FIGNL2: variants seen among roughly 807,000 people sequenced by gnomAD.
FIGNL2 encodes the protein fidgetin-like protein 2.
For synonymous variants in FIGNL2, 565 were observed against 484.0 expected (o/e 1.17, Z -2.20); for missense variants, 1,060 against 950.2 (o/e 1.12, Z -1.52).
intron 1 of FIGNL2, chr12:51,845,467 C>G: frequency 1.0e-6 from 1 of 985,342 alleles, no homozygotes; most frequent in Non-Finnish European, 1.2e-6. Flanking sequence ...ACCGCCCCCC[C>G]CCCACAGTCT....
At chr12:51,843,892 A>C (rs1278969588) in intron 1 of FIGNL2, among the ~76,000 whole-genome samples, 1 of 151,864 alleles carries the variant, frequency 6.6e-6, no homozygotes, top group Non-Finnish European at 1.5e-5. Flanking sequence ...TGGGCAACAT[A>C]GTGAGACCAC....
intron 1 of FIGNL2, among the ~76,000 whole-genome samples, chr12:51,836,080 G>A (rs574434296): frequency 6.6e-6 from 1 of 152,218 alleles, no homozygotes. Flanking sequence ...CAAAGCGCTG[G>A]GATTACAGGA....
chr12:51,829,268 TG>T (rs1409643132), intron 1 of FIGNL2, among the ~76,000 whole-genome samples: 1 of 152,266 alleles, frequency 6.6e-6, no homozygotes, highest in African/African-American at 2.4e-5. Flanking sequence ...CCAGGCTTTT[TG>T]TCTGCTGCTT....
intron 1 of FIGNL2, among the ~76,000 whole-genome samples, chr12:51,836,308 C>T (rs1472301707): frequency 1.3e-5 from 2 of 152,156 alleles, no homozygotes; most frequent in East Asian, 1.9e-4. Context: ...GTCATCTGGC[C>T]TTTGGGCTGC....
At chr12:51,838,581 C>A (rs1346183382) in intron 1 of FIGNL2, among the ~76,000 whole-genome samples, 2 of 152,130 alleles carry the variant, frequency 1.3e-5, no homozygotes, top group Admixed American at 1.3e-4. Context: ...AGATGTGGGA[C>A]AATGTCTTGA....
intron 1 of FIGNL2, among the ~76,000 whole-genome samples, chr12:51,828,072 C>T (rs1189208375): frequency 6.6e-6 from 1 of 152,178 alleles, no homozygotes; most frequent in African/African-American, 2.4e-5. Context: ...TGCACACCTA[C>T]ACTCACCAAC....
intron 1 of FIGNL2, among the ~76,000 whole-genome samples, chr12:51,836,560 G>C (rs1367461379): frequency 6.6e-6 from 1 of 152,170 alleles, no homozygotes; most frequent in Non-Finnish European, 1.5e-5. Context: ...TCTGTTGGTG[G>C]GGGGCGGATA....
At chr12:51,828,766 A>T (rs1939395484) in intron 1 of FIGNL2, among the ~76,000 whole-genome samples, 3 of 151,992 alleles carry the variant, frequency 2.0e-5, no homozygotes, top group Non-Finnish European at 4.4e-5. Context: ...CTGAGCTGTC[A>T]CTCTGTGATC....
chr12:51,822,227 A>G lies in FIGNL2; in HGVS notation c.187T>C (p.Tyr63His). The G allele has an allele frequency of 2.5e-6, 4 of 1,611,376 alleles. No individual in the cohort carries two copies. The highest frequency in any genetic ancestry group is 3.4e-6 in the Non-Finnish European group (4 of 1,178,802). The change falls in exon 2 of 2, where the codon TAT becomes CAT. Residue 63 changes from tyrosine to histidine, a missense_variant. Transcript: ENST00000618634. Reference sequence around the variant, plus strand: ...AAGACCCCAGAGTACTTCTCTGCATAGCGCTTTAGGAGGTTGGAGGCAGTG... The same window carrying G: ...AAGACCCCAGAGTACTTCTCTGCATGGCGCTTTAGGAGGTTGGAGGCAGTG... Reference protein sequence around the residue: ...ALTASNLLKRYAEKYSGVLDS... With the variant: ...ALTASNLLKRHAEKYSGVLDS...
intron 1 of FIGNL2, among the ~76,000 whole-genome samples, chr12:51,826,473 C>CAA (rs34534453): frequency 3.5e-4 from 46 of 131,912 alleles, no homozygotes; most frequent in South Asian, 1.4e-3. Flanking sequence ...ACTAAAAATA[C>CAA]AAAAAAAAAA....
rs147260033 is a variant in FIGNL2, at chr12:51,833,149, G to C, written c.-11-10725C>G. 4.1e-3 allele frequency among the ~76,000 whole-genome samples: 622 copies of C among 152,234 alleles called. 1 individual carries two copies. Among genetic ancestry groups the C allele is most frequent in the Non-Finnish European group, 7.1e-3 (481 of 68,006 alleles). On this transcript the variant is annotated intron_variant, in intron 1 of 1. Coordinates refer to ENST00000618634, the MANE Select transcript of FIGNL2 (RefSeq NM_001384995.1). ...TGCAGCCTGGACCTCCCAGGCTCAAGCAGTCCTCCTACCTCAGCCTCCCAA... is the reference window on the plus strand; with the variant it reads ...TGCAGCCTGGACCTCCCAGGCTCAACCAGTCCTCCTACCTCAGCCTCCCAA...
chr12:51,848,688 T>TGCTGCGGCC lies in FIGNL2; in HGVS notation c.-169_-161dup. 1 of 322,286 alleles carries TGCTGCGGCC rather than the reference T, an allele frequency of 3.1e-6. No homozygotes were observed. The highest frequency in any genetic ancestry group is 1.7e-4 in the East Asian group (1 of 5,828). The allele number at this position is 322,286 out of a possible 1,614,324, so 20.0% of individuals were successfully genotyped here. On this transcript the variant is annotated 5_prime_UTR_variant, in exon 1 of 2. Transcript: ENST00000618634. Reference sequence around the variant, plus strand: ...ATCCTGGAGCCGCTGCTGCTGCGGCTGCTGCGGCCGCCGCGGGCGGGAGCG... The same window carrying TGCTGCGGCC: ...ATCCTGGAGCCGCTGCTGCTGCGGCTGCTGCGGCCGCTGCGGCCGCCGCGGGCGGGAGCG...
rs200288170 is a variant in FIGNL2, at chr12:51,822,337, G to C, written c.77C>G (p.Pro26Arg). The C allele has an allele frequency of 6.2e-7, 1 of 1,613,514 alleles. No individual in the cohort carries two copies. Among genetic ancestry groups the C allele is most frequent in the South Asian group, 1.1e-5 (1 of 90,940 alleles). Reference protein sequence around the residue: ...EQHLDVSSTTPSPAHKLELPP... With the variant: ...EQHLDVSSTTRSPAHKLELPP... ...CAACTCCAACTTGTGGGCCGGCGAC[G>C]GGGTGGTGGAGGAGACGTCCAGGTG... Residue 26 changes from proline (P) to arginine (R), a missense_variant, in exon 2 of 2, where the codon CCG (proline) becomes CGG (arginine). By Grantham distance (103) the Pro-to-Arg change is moderately radical. Transcript: ENST00000618634.
intron 1 of FIGNL2, among the ~76,000 whole-genome samples, chr12:51,827,376 C>T (rs562582071): frequency 1.3e-5 from 2 of 152,196 alleles, no homozygotes; most frequent in South Asian, 4.2e-4. Flanking sequence ...ACCTCAATTT[C>T]CCCATTTCTA....
chr12:51,822,320 A>G lies in FIGNL2; in HGVS notation c.94T>C (p.Leu32=). The G allele has an allele frequency of 1.2e-6, 2 of 1,613,012 alleles. No homozygotes were observed. The highest frequency in any genetic ancestry group is 1.1e-5 in the South Asian group (1 of 90,816). ...TGGCGACCCCCAGGGGGCAACTCCA[A>G]CTTGTGGGCCGGCGACGGGGTGGTG... The part of the protein sequence containing the change: ...SSTTPSPAHK[L]ELPPGGRQRC... The change falls in exon 2 of 2, where the codon TTG becomes CTG. Residue 32 remains leucine, a synonymous_variant. Coordinates refer to ENST00000618634, the MANE Select transcript of FIGNL2 (RefSeq NM_001384995.1).
chr12:51,832,309 G>T (rs1939487877), intron 1 of FIGNL2, among the ~76,000 whole-genome samples: 1 of 152,068 alleles, frequency 6.6e-6, no homozygotes, highest in Non-Finnish European at 1.5e-5. Flanking sequence ...GTGCCACTGT[G>T]CCCGGCCCCA....
chr12:51,827,554 G>A (rs923069552), intron 1 of FIGNL2, among the ~76,000 whole-genome samples: 18 of 152,148 alleles, frequency 1.2e-4, no homozygotes, highest in African/African-American at 4.3e-4. Flanking sequence ...AGGGCATAAC[G>A]TATGTCATGT....
intron 1 of FIGNL2, among the ~76,000 whole-genome samples, chr12:51,833,045 C>CT (rs199598372): frequency 0.011 from 1,599 of 152,078 alleles, 36 homozygotes; most frequent in African/African-American, 0.037. Flanking sequence ...GCCTCTCTCT[C>CT]TTTTTTTTGT....
intron 1 of FIGNL2, among the ~76,000 whole-genome samples, chr12:51,825,149 C>T (rs1326483037): frequency 2.0e-5 from 3 of 151,966 alleles, no homozygotes; most frequent in Admixed American, 1.3e-4. Flanking sequence ...GCTTTGTTTC[C>T]TTACTTAATA....
Sources: allele counts gnomAD v4.1 joint callset (sites outside exome capture counted in the v4.1 genomes callset), GRCh38; gene constraint gnomAD v4.1.1; transcripts MANE v1.5; gene names NCBI Gene and HGNC (gene_info 2026-07-23, HGNC 2026-07-21).